TRAPPC9: variants seen among roughly 807,000 people sequenced by gnomAD.
The protein encoded by TRAPPC9 is IKK2 binding protein.
TRAPPC9 carries 83 observed loss-of-function variants against 124.0 expected under a neutral mutation model. The ratio of observed to expected loss-of-function variants is 0.67; its 90% CI spans 0.56 to 0.80. The LOEUF is 0.80. TRAPPC9 is among the 30% of genes least tolerant of loss of function. The pLI, the probability that TRAPPC9 is intolerant of heterozygous loss-of-function variation, is 0.00. For synonymous variants in TRAPPC9, 638 were observed against 617.5 expected (o/e 1.03, Z -0.49); for missense variants, 1,302 against 1,508.3 (o/e 0.86, Z 2.27).
At chr8:139,740,832 C>T (rs910316816) in intron 21 of TRAPPC9, among the ~76,000 whole-genome samples, 2 of 152,204 alleles carry the variant, frequency 1.3e-5, no homozygotes, top group Non-Finnish European at 2.9e-5. Context: ...AGGACTCAGG[C>T]TCCTGGAGGG....
intron 20 of TRAPPC9, among the ~76,000 whole-genome samples, chr8:139,887,917 C>A (rs183150280): frequency 6.3e-4 from 96 of 152,334 alleles, no homozygotes; most frequent in African/African-American, 2.2e-3. Context: ...AGAGGCCACG[C>A]CTCATTCAGC....
intron 19 of TRAPPC9, among the ~76,000 whole-genome samples, chr8:139,985,053 T>C (rs913016457): frequency 9.2e-5 from 14 of 152,142 alleles, no homozygotes; most frequent in African/African-American, 2.4e-4. Flanking sequence ...ACACAGCAAA[T>C]TGCTGAAGTA....
chr8:140,427,184 C>T (rs2070455488), intron 4 of TRAPPC9, among the ~76,000 whole-genome samples: 1 of 151,460 alleles, frequency 6.6e-6, no homozygotes, highest in Non-Finnish European at 1.5e-5. Context: ...GCATGACCCA[C>T]CATGCCCGGC....
intron 17 of TRAPPC9, among the ~76,000 whole-genome samples, chr8:140,101,326 G>T (rs1239406811): frequency 5.9e-5 from 9 of 151,882 alleles, no homozygotes; most frequent in Admixed American, 5.9e-4. Flanking sequence ...ACTAGAAATG[G>T]GATTTCACTA....
chr8:139,760,987 C>T (rs945128900), intron 21 of TRAPPC9, among the ~76,000 whole-genome samples: 1 of 152,208 alleles, frequency 6.6e-6, no homozygotes, highest in Non-Finnish European at 1.5e-5. Flanking sequence ...GGTGAATCTC[C>T]TACAGTCTCT....
chr8:140,238,523 G>A (rs2063776861), intron 16 of TRAPPC9: 1 of 152,254 alleles, frequency 6.6e-6, no homozygotes, highest in Non-Finnish European at 1.5e-5. Context: ...CAGACTCCGG[G>A]GAGATGGCAC....
chr8:140,249,036 C>T (rs953780820), intron 16 of TRAPPC9, among the ~76,000 whole-genome samples: 2 of 151,950 alleles, frequency 1.3e-5, no homozygotes, highest in Admixed American at 6.6e-5. Context: ...GTAATTTCAA[C>T]TTTTATTTTA....
chr8:140,373,754 T>G (rs1438862549), intron 7 of TRAPPC9, among the ~76,000 whole-genome samples: 1 of 151,714 alleles, frequency 6.6e-6, no homozygotes. Flanking sequence ...TGGCTTTAAC[T>G]TCCATTTCCC....
At chr8:140,413,875 G>A (rs1393763788) in intron 5 of TRAPPC9, among the ~76,000 whole-genome samples, 3 of 151,726 alleles carry the variant, frequency 2.0e-5, no homozygotes, top group African/African-American at 4.8e-5. Flanking sequence ...ATTCCATGGT[G>A]TATATGTGCC....
chr8:139,930,933 C>T (rs753275746), intron 19 of TRAPPC9, among the ~76,000 whole-genome samples: 3 of 152,070 alleles, frequency 2.0e-5, no homozygotes, highest in African/African-American at 7.2e-5. Flanking sequence ...CTCGGTGGTG[C>T]CCCCTTTCAT....
rs1830075138 is a variant in TRAPPC9 at position 139,887,304 on chromosome 8, T to G, written c.2965-1335A>C. Reference sequence around the variant, plus strand: ...GGCATGATCTCGGCTCACTACAACCTCCGCCTCCCAGGCTCAAGTGATTCT... The same window carrying G: ...GGCATGATCTCGGCTCACTACAACCGCCGCCTCCCAGGCTCAAGTGATTCT... On this transcript the variant is annotated intron_variant, in intron 20 of 22. Transcript: ENST00000438773. Among the ~76,000 whole-genome samples the G allele has an allele frequency of 2.1e-5, 3 of 142,678 alleles. No individual in the cohort carries two copies. In the South Asian group the frequency reaches 7.5e-4, roughly 35 times the overall value. 93.6% of individuals were successfully genotyped at this position (142,678 alleles called of 152,430 possible). A position where few individuals can be genotyped will look rare whatever the true frequency, so the allele number is the denominator to read the frequency against.
chr8:140,054,331 CGAAATCAAAAAG>C (rs1297267044), intron 17 of TRAPPC9, among the ~76,000 whole-genome samples: 2 of 151,898 alleles, frequency 1.3e-5, no homozygotes, highest in African/African-American at 2.4e-5. Context: ...TTGTTTCAAA[CGAAATCAAAAAG>C]GAAATTTCAA....
At chr8:139,757,565 T>A (rs1356234123) in intron 21 of TRAPPC9, among the ~76,000 whole-genome samples, 1 of 151,304 alleles carries the variant, frequency 6.6e-6, no homozygotes, top group Non-Finnish European at 1.5e-5. Context: ...CCAGGGGGCG[T>A]GGGTATTAGG....
intron 19 of TRAPPC9, among the ~76,000 whole-genome samples, chr8:139,945,249 TTGCAAAAGGC>T (rs1044632943): frequency 6.6e-6 from 1 of 152,158 alleles, no homozygotes; most frequent in Non-Finnish European, 1.5e-5. Context: ...AGTGAACGGA[TTGCAAAAGGC>T]ATCCTTTGCA....
At chr8:139,874,120 G>C (rs1027210753) in intron 21 of TRAPPC9, among the ~76,000 whole-genome samples, 1 of 152,264 alleles carries the variant, frequency 6.6e-6, no homozygotes, top group Non-Finnish European at 1.5e-5. Context: ...GAACTGACCA[G>C]GGCTGTCGTA....
intron 3 of TRAPPC9, among the ~76,000 whole-genome samples, chr8:140,437,910 G>C (rs1683671710): frequency 6.6e-6 from 1 of 152,304 alleles, no homozygotes; most frequent in Non-Finnish European, 1.5e-5. Context: ...AACATCTCAG[G>C]CAGGGCACCC....
intron 17 of TRAPPC9, among the ~76,000 whole-genome samples, chr8:140,053,094 A>G (rs1842096615): frequency 6.6e-6 from 1 of 152,262 alleles, no homozygotes; most frequent in Admixed American, 6.5e-5. Context: ...AGGAGGAATT[A>G]TGGAAATAGA....
intron 19 of TRAPPC9, among the ~76,000 whole-genome samples, chr8:139,980,614 T>A (rs1433822108): frequency 6.6e-6 from 1 of 152,212 alleles, no homozygotes; most frequent in African/African-American, 2.4e-5. Context: ...CGCTGCTCTT[T>A]AGATCAACCT....
chr8:139,922,287 G>A (rs1254413677), intron 19 of TRAPPC9, among the ~76,000 whole-genome samples: 2 of 151,936 alleles, frequency 1.3e-5, no homozygotes, highest in African/African-American at 2.4e-5. Flanking sequence ...AGGTTCAAGC[G>A]GTTCTCCTGT....
Sources: allele counts gnomAD v4.1 joint callset (sites outside exome capture counted in the v4.1 genomes callset), GRCh38; gene constraint gnomAD v4.1.1; transcripts MANE v1.5; gene names NCBI Gene and HGNC (gene_info 2026-07-23, HGNC 2026-07-21).